The following ATP6V1C2 variants were observed in gnomAD, a reference collection of about 807,000 sequenced individuals.
The protein encoded by ATP6V1C2 is ATPase H+ transporting V1 subunit C2.
Under a neutral mutation model 56.8 loss-of-function variants are expected in ATP6V1C2, and 45 were observed. The observed-to-expected ratio is 0.79, with a 90% CI of 0.62 to 1.02. The LOEUF is 1.02. Among genes scored for constraint, ATP6V1C2 ranks in the 50% least tolerant of loss-of-function variants. The pLI is 0.00. For synonymous variants in ATP6V1C2, 220 were observed against 201.3 expected (o/e 1.09, Z -0.79); for missense variants, 463 against 519.7 (o/e 0.89, Z 1.06).
chr2:10,735,517 T>A (rs1350167393), intron 3 of ATP6V1C2, among the ~76,000 whole-genome samples: 1 of 152,146 alleles, frequency 6.6e-6, no homozygotes, highest in African/African-American at 2.4e-5. Flanking sequence ...TATATTTCTA[T>A]GCACAGCTTT....
chr2:10,726,465 A>G lies in ATP6V1C2; in HGVS notation c.130-37A>G, dbSNP rs566877820. On this transcript the variant is annotated intron_variant, in intron 2 of 13. Coordinates refer to ENST00000272238, the MANE Select transcript of ATP6V1C2 (RefSeq NM_001039362.2). ...TGAGATGGCATCATGCTTGGCCAGA[A>G]ACCTGTGAGCCTCTGACGTTTTTAT... is the stretch of plus-strand genomic sequence containing the variant. 3.6e-4 allele frequency: 555 copies of G among 1,560,234 alleles called. 11 individuals carry two copies. The South Asian group carries it at 5.7e-3, about 16-fold the overall frequency.
intron 6 of ATP6V1C2, among the ~76,000 whole-genome samples, chr2:10,769,738 A>G (rs753482559): frequency 3.9e-5 from 6 of 152,010 alleles, no homozygotes; most frequent in Non-Finnish European, 2.9e-5. Context: ...AGGGAGAGAG[A>G]GAAGCCAGGT....
intron 3 of ATP6V1C2, among the ~76,000 whole-genome samples, chr2:10,750,898 ATAG>A (rs1207554033): frequency 1.3e-5 from 2 of 152,086 alleles, no homozygotes; most frequent in East Asian, 1.9e-4. Context: ...TGCTTGGCGC[ATAG>A]TAGTTGTTAG....
At chr2:10,743,309 TGCTCAAGCTGATCTCGAACTCCTGG>T (rs1285247398) in intron 3 of ATP6V1C2, among the ~76,000 whole-genome samples, 5 of 151,320 alleles carry the variant, frequency 3.3e-5, no homozygotes, top group Non-Finnish European at 4.4e-5. Flanking sequence ...CTCGCTATGT[TGCTCAAGCTGATCTCGAACTCCTGG>T]GCTCAAGTGA....
Position 10,763,166 on chromosome 2 carries a change from C to T in ATP6V1C2, c.284-1165C>T, listed in dbSNP as rs1275461536. The stretch of plus-strand genomic sequence containing the variant: ...CCCCTTTCTGTTCAGCATCCGTCCA[C>T]ACTCCCTCTTCCCTGACTCACAGTG... On this transcript the variant is annotated intron_variant, in intron 4 of 13. Coordinates refer to ENST00000272238, the MANE Select transcript of ATP6V1C2 (RefSeq NM_001039362.2). This position sits in a 1 kb window ranked among gnomAD's most constrained non-coding sequence, Gnocchi z 4.2. 6.6e-6 allele frequency among the ~76,000 whole-genome samples: 1 copy of T among 152,138 alleles called. No homozygotes were observed. The highest frequency in any genetic ancestry group is 2.4e-5 in the African/African-American group (1 of 41,426).
chr2:10,750,197 A>G (rs545981041), intron 3 of ATP6V1C2, among the ~76,000 whole-genome samples: 1 of 152,320 alleles, frequency 6.6e-6, no homozygotes, highest in East Asian at 1.9e-4. Flanking sequence ...GTATATGCCT[A>G]AGGGCCACAA....
chr2:10,744,451 T>C (rs1662751626), intron 3 of ATP6V1C2, among the ~76,000 whole-genome samples: 1 of 152,198 alleles, frequency 6.6e-6, no homozygotes, highest in Non-Finnish European at 1.5e-5. Flanking sequence ...CTCACGCTTA[T>C]GAGCTATTTG....
At chr2:10,765,628 C>A (rs965864711) in intron 5 of ATP6V1C2, among the ~76,000 whole-genome samples, 2 of 152,242 alleles carry the variant, frequency 1.3e-5, no homozygotes, top group Admixed American at 1.3e-4. Flanking sequence ...GCTCAGGCCC[C>A]TGCTGGGACG....
Position 10,782,242 on chromosome 2 carries a change from G to A in ATP6V1C2, c.1062-1G>A. The stretch of plus-strand genomic sequence containing the variant: ...CTGACACATTTTGTCTATCTGAAAA[G>A]GTATGGACTACCAGTGAACTTCCAG... On this transcript the variant is annotated splice_acceptor_variant, in intron 12 of 13. Transcript: ENST00000272238. LOFTEE classifies it high-confidence loss of function. 1 of 1,614,046 alleles carries A rather than the reference G, an allele frequency of 6.2e-7. No individual in the cohort carries two copies. Among genetic ancestry groups the A allele is most frequent in the Non-Finnish European group, 8.5e-7 (1 of 1,179,964 alleles).
At chr2:10,724,464 C>T (rs774362102) in intron 2 of ATP6V1C2, among the ~76,000 whole-genome samples, 12 of 152,046 alleles carry the variant, frequency 7.9e-5, no homozygotes, top group Non-Finnish European at 1.8e-4. Context: ...TTTAAGCCTG[C>T]CTCTGCTTGT....
At chr2:10,726,707 G>GT in intron 3 of ATP6V1C2, 138 bp downstream of exon 3, 1 of 760,166 alleles carries the variant, frequency 1.3e-6, no homozygotes, top group South Asian at 1.6e-5. Flanking sequence ...AAACCGATCA[G>GT]TCCCCCTGCG....
chr2:10,779,432 T>A (rs144791473), intron 12 of ATP6V1C2, among the ~76,000 whole-genome samples: 31 of 125,806 alleles, frequency 2.5e-4, no homozygotes, highest in African/African-American at 8.0e-4. Flanking sequence ...AAAAAAAATA[T>A]ATATATATAT....
intron 3 of ATP6V1C2, among the ~76,000 whole-genome samples, chr2:10,753,109 C>G (rs1275334070): frequency 6.6e-6 from 1 of 152,164 alleles, no homozygotes; most frequent in East Asian, 1.9e-4. Flanking sequence ...CTTTCTGAAG[C>G]CTTCAGTGTG....
At chr2:10,759,010 C>T (rs1572566237) in intron 4 of ATP6V1C2, among the ~76,000 whole-genome samples, 2 of 152,304 alleles carry the variant, frequency 1.3e-5, no homozygotes, top group East Asian at 1.9e-4. Flanking sequence ...CCTAATATTA[C>T]CTGAATGAGG....
At chr2:10,745,187 C>T (rs1293882765) in intron 3 of ATP6V1C2, among the ~76,000 whole-genome samples, 1 of 147,926 alleles carries the variant, frequency 6.8e-6, no homozygotes, top group Non-Finnish European at 1.5e-5. Flanking sequence ...GGATGCCTGC[C>T]ACCACACCCA....
chr2:10,768,860 G>A (rs1664399072), intron 6 of ATP6V1C2, 50 bp downstream of exon 6: 1 of 1,508,526 alleles, frequency 6.6e-7, no homozygotes, highest in Non-Finnish European at 9.2e-7. Context: ...CCTGGCGGGG[G>A]CTTAGCGCTT....
chr2:10,747,771 T>C (rs1663001041), intron 3 of ATP6V1C2, among the ~76,000 whole-genome samples: 1 of 152,224 alleles, frequency 6.6e-6, no homozygotes. Context: ...AAAACTGAGA[T>C]GGCTTCCTGT....
chr2:10,752,713 C>T (rs1011993073), intron 3 of ATP6V1C2, among the ~76,000 whole-genome samples: 14 of 152,088 alleles, frequency 9.2e-5, no homozygotes, highest in Admixed American at 7.9e-4. Context: ...TAGCTAAAAT[C>T]GGCAGGGTGC....
rs560100452 is a variant in ATP6V1C2 at position 10,780,418 on chromosome 2, G to T, written c.1061+1749G>T. 4.6e-4 allele frequency among the ~76,000 whole-genome samples: 70 copies of T among 152,284 alleles called. No homozygotes were observed. The highest frequency in any genetic ancestry group is 1.5e-3 in the African/African-American group (62 of 41,564). On this transcript the variant is annotated intron_variant, in intron 12 of 13. Coordinates refer to ENST00000272238, the MANE Select transcript of ATP6V1C2 (RefSeq NM_001039362.2). This position sits in a 1 kb window ranked among gnomAD's most constrained non-coding sequence, Gnocchi z 4.1. ...CCTTCCATGTGGCTGTCAGTGTGTGGTCTGCCCAGATACAGATCTGACCTT... is the reference window on the plus strand; with the variant it reads ...CCTTCCATGTGGCTGTCAGTGTGTGTTCTGCCCAGATACAGATCTGACCTT...
Sources: gnomAD v4.1 joint callset for allele counts (sites outside exome capture counted in the v4.1 genomes callset) on GRCh38, gnomAD v4.1.1 for gene constraint, Gnocchi (gnomAD v3.1) non-coding constraint, MANE v1.5 for transcripts, NCBI Gene and HGNC (gene_info 2026-07-23, HGNC 2026-07-21) for gene names.